SLC24A2: variants seen among roughly 807,000 people sequenced by gnomAD.
SLC24A2 encodes the protein sodium/potassium/calcium exchanger 2.
A neutral mutation model predicts 62.0 loss-of-function variants in SLC24A2; 36 were observed. The observed-to-expected ratio is 0.58, with a 90% confidence interval of 0.44 to 0.77. The LOEUF is 0.77. Ranked by LOEUF, SLC24A2 falls within the 30% of genes least tolerant of loss-of-function variation. SLC24A2 has a pLI of 0.00. For missense variants in SLC24A2, 846 were observed against 817.9 expected, an observed-to-expected ratio of 1.03 and a Z score of -0.42; for synonymous variants, 358 against 294.0, an observed-to-expected ratio of 1.22 and a Z score of -2.23.
the SLC24A2 span, among the ~76,000 whole-genome samples, chr9:19,799,788 C>T: frequency 9.8e-3 from 1,492 of 152,206 alleles, 24 homozygotes; most frequent in African/African-American, 0.034. Context: ...ATGCTTAATA[C>T]GCTCCCCTCT....
chr9:20,086,757 G>T, the SLC24A2 span, among the ~76,000 whole-genome samples: 2 of 152,162 alleles, frequency 1.3e-5, no homozygotes, highest in Non-Finnish European at 2.9e-5. Context: ...GAAATACTAA[G>T]CTATTTGAGA....
At chr9:20,242,221 G>A in the SLC24A2 span, among the ~76,000 whole-genome samples, 1 of 152,146 alleles carries the variant, frequency 6.6e-6, no homozygotes, top group East Asian at 1.9e-4. Flanking sequence ...TAAAATAAAA[G>A]CATGCATTCT....
At chr9:19,622,439 A>G (rs1281916580) in intron 2 of SLC24A2, 140 bp from the exon 3 acceptor site, 1 of 790,542 alleles carries the variant, frequency 1.3e-6, no homozygotes, top group African/African-American at 1.7e-5. Flanking sequence ...TTAAGCCAAA[A>G]CAGGGGACTA....
chr9:19,622,515 T>A (rs1397186072), intron 2 of SLC24A2, among the ~76,000 whole-genome samples: 1 of 152,068 alleles, frequency 6.6e-6, no homozygotes, highest in African/African-American at 2.4e-5. Flanking sequence ...TCCTGAAAGG[T>A]CAAAGTTGAA....
chr9:20,118,203 T>C, the SLC24A2 span, among the ~76,000 whole-genome samples: 15 of 152,206 alleles, frequency 9.9e-5, 1 homozygote, highest in South Asian at 3.1e-3. Context: ...AGAAACTTCC[T>C]CTTTAATTAT....
chr9:19,630,623 G>A (rs1818154499), intron 2 of SLC24A2, among the ~76,000 whole-genome samples: 1 of 151,866 alleles, frequency 6.6e-6, no homozygotes, highest in African/African-American at 2.4e-5. Flanking sequence ...AAATATCAAC[G>A]GTACCATATC....
the SLC24A2 span, among the ~76,000 whole-genome samples, chr9:20,238,069 C>A: frequency 6.6e-6 from 1 of 152,302 alleles, no homozygotes; most frequent in South Asian, 2.1e-4. Flanking sequence ...GACCCTTGGG[C>A]TGGAAACTGA....
At chr9:20,165,332 A>T in the SLC24A2 span, among the ~76,000 whole-genome samples, 1 of 151,926 alleles carries the variant, frequency 6.6e-6, no homozygotes, top group East Asian at 1.9e-4. Flanking sequence ...TTGGAAAAAT[A>T]AACATATAAA....
the SLC24A2 span, among the ~76,000 whole-genome samples, chr9:20,233,794 G>A: frequency 8.6e-3 from 1,305 of 152,278 alleles, 53 homozygotes; most frequent in Admixed American, 0.07. Context: ...TATTTTGCTA[G>A]TTAGTTGATG....
chr9:20,173,244 G>A, the SLC24A2 span, among the ~76,000 whole-genome samples: 1 of 152,032 alleles, frequency 6.6e-6, no homozygotes, highest in African/African-American at 2.4e-5. Flanking sequence ...GGGAAAAGCT[G>A]AAGGCATTCC....
At chr9:20,070,720 G>C in the SLC24A2 span, among the ~76,000 whole-genome samples, 9 of 152,308 alleles carry the variant, frequency 5.9e-5, no homozygotes, top group East Asian at 1.7e-3. Flanking sequence ...AACAAGGTAG[G>C]ATTAATGCTC....
intron 2 of SLC24A2, among the ~76,000 whole-genome samples, chr9:19,768,320 A>T (rs1288529948): frequency 6.6e-6 from 1 of 152,082 alleles, no homozygotes; most frequent in Non-Finnish European, 1.5e-5. Flanking sequence ...CCAGGTTTTC[A>T]CCCAAGCACT....
chr9:20,128,606 T>C, the SLC24A2 span, among the ~76,000 whole-genome samples: 2 of 152,106 alleles, frequency 1.3e-5, no homozygotes, highest in South Asian at 4.1e-4. Flanking sequence ...AATATATTTG[T>C]AGTGTGAAGT....
intron 9 of SLC24A2, among the ~76,000 whole-genome samples, chr9:19,523,527 A>C (rs973945330): frequency 3.3e-5 from 5 of 151,404 alleles, no homozygotes; most frequent in Non-Finnish European, 7.4e-5. Context: ...CAGTGGTGTG[A>C]TCTCGGCTCA....
At chr9:19,544,448 A>T (rs1834445423) in intron 8 of SLC24A2, among the ~76,000 whole-genome samples, 1 of 151,988 alleles carries the variant, frequency 6.6e-6, no homozygotes, top group African/African-American at 2.4e-5. Flanking sequence ...TAATATTGTT[A>T]TGTGTGAATT....
the SLC24A2 span, among the ~76,000 whole-genome samples, chr9:20,237,975 G>A: frequency 1.6e-4 from 25 of 152,256 alleles, no homozygotes; most frequent in Admixed American, 9.8e-4. Context: ...CTTGGGTGGA[G>A]GTGACAACCA....
At chr9:19,864,762 C>T in the SLC24A2 span, among the ~76,000 whole-genome samples, 1 of 152,024 alleles carries the variant, frequency 6.6e-6, no homozygotes, top group African/African-American at 2.4e-5. Flanking sequence ...AAAGCCTTTC[C>T]TGTAAGATCT....
chr9:19,627,607 C>T (rs1423631734), intron 2 of SLC24A2, among the ~76,000 whole-genome samples: 1 of 152,184 alleles, frequency 6.6e-6, no homozygotes, highest in Non-Finnish European at 1.5e-5. Flanking sequence ...CTCCCTGCAA[C>T]CTCAAACTCC....
the SLC24A2 span, among the ~76,000 whole-genome samples, chr9:20,085,272 T>C: frequency 1.3e-4 from 20 of 152,350 alleles, no homozygotes; most frequent in African/African-American, 3.8e-4. Flanking sequence ...ATGCTGGGAT[T>C]ACAGGCATGA....
Sources: allele counts gnomAD v4.1 joint callset (sites outside exome capture counted in the v4.1 genomes callset), GRCh38; gene constraint gnomAD v4.1.1; transcripts MANE v1.5; gene names NCBI Gene and HGNC (gene_info 2026-07-23, HGNC 2026-07-21).